GSAP: variants seen among roughly 807,000 people sequenced by gnomAD.
GSAP encodes the protein gamma-secretase activating protein.
In GSAP, 118 loss-of-function variants were observed where a neutral mutation model predicts 131.7. The observed-to-expected ratio is 0.90, with a 90% CI of 0.77 to 1.04. The LOEUF (loss-of-function observed/expected upper bound fraction) is 1.04. GSAP is among the 50% of genes least tolerant of loss of function. The pLI, the probability that GSAP is intolerant of heterozygous loss-of-function variation, is 0.00. For synonymous variants in GSAP, 381 were observed against 363.4 expected (o/e 1.05, Z -0.55); for missense variants, 1,019 against 1,013.2 (o/e 1.01, Z -0.08).
chr7:77,339,424 G>A lies in GSAP; in HGVS notation c.1546-9057C>T, dbSNP rs751738599. On this transcript the variant is annotated intron_variant, in intron 19 of 30. Coordinates refer to ENST00000257626, the MANE Select transcript of GSAP (RefSeq NM_017439.4). Reference sequence around the variant, plus strand: ...AGTACTATCTTCTCCTGAGTCCAGGGCTAGTCCCAGCAATACACCTCTGCC... The same window carrying A: ...AGTACTATCTTCTCCTGAGTCCAGGACTAGTCCCAGCAATACACCTCTGCC... 4.5e-4 allele frequency among the ~76,000 whole-genome samples: 68 copies of A among 152,272 alleles called. 1 individual carries two copies. In the Middle Eastern group the frequency reaches 0.017, roughly 38 times the overall value.
intron 26 of GSAP, among the ~76,000 whole-genome samples, chr7:77,318,348 T>A (rs895876516): frequency 1.3e-5 from 2 of 152,180 alleles, no homozygotes; most frequent in Admixed American, 1.3e-4. Flanking sequence ...AGTTAAAATT[T>A]TATGAAAATT....
At chr7:77,390,178 A>T (rs1365922889) in intron 5 of GSAP, among the ~76,000 whole-genome samples, 2 of 151,974 alleles carry the variant, frequency 1.3e-5, no homozygotes, top group Non-Finnish European at 2.9e-5. Flanking sequence ...TAGATTCTGG[A>T]TATTAGCCCT....
At position 77,339,874 on chromosome 7, in the gene GSAP, T is replaced by C. The variant is rs146695065; in HGVS notation, c.1545+9477A>G. ...TAACTTTTTAAATGAAAATACACAA[T>C]GTTGATAAGGGTATAGTAAAACGGG... On this transcript the variant is annotated intron_variant, in intron 19 of 30. Coordinates refer to ENST00000257626, the MANE Select transcript of GSAP (RefSeq NM_017439.4). Among the ~76,000 whole-genome samples the C allele has an allele frequency of 3.9e-3, 601 of 152,306 alleles. 3 individuals carry two copies. Among genetic ancestry groups the C allele is most frequent in the Middle Eastern group, 0.027 (8 of 294 alleles).
intron 6 of GSAP, among the ~76,000 whole-genome samples, chr7:77,383,510 A>G (rs1458201270): frequency 6.6e-6 from 1 of 152,166 alleles, no homozygotes; most frequent in Non-Finnish European, 1.5e-5. Context: ...ATGAGTTGAG[A>G]ATTTACAAGT....
intron 5 of GSAP, among the ~76,000 whole-genome samples, chr7:77,392,465 T>C (rs1583817514): frequency 6.8e-6 from 1 of 146,884 alleles, no homozygotes; most frequent in Non-Finnish European, 1.5e-5. Flanking sequence ...GGAGTATCGC[T>C]TGAACCCGGA....
At chr7:77,389,608 T>C (rs1372911026) in intron 5 of GSAP, among the ~76,000 whole-genome samples, 2 of 152,182 alleles carry the variant, frequency 1.3e-5, no homozygotes, top group African/African-American at 4.8e-5. Flanking sequence ...ACAAAGGACA[T>C]GAACTCATCA....
chr7:77,397,065 C>A, intron 4 of GSAP, 30 bp from the exon 5 acceptor site: 1 of 1,427,444 alleles, frequency 7.0e-7, no homozygotes, highest in Non-Finnish European at 9.8e-7. Flanking sequence ...AATCCATTAG[C>A]AATTGATCCA....
At chr7:77,407,272 T>C (rs1156330654) in intron 1 of GSAP, among the ~76,000 whole-genome samples, 1 of 152,254 alleles carries the variant, frequency 6.6e-6, no homozygotes, top group Admixed American at 6.5e-5. Context: ...CTACTTTGTC[T>C]GATATTAGTA....
At chr7:77,374,306 C>A (rs1584566834) in intron 11 of GSAP, 151 bp from the exon 12 acceptor site, 1 of 550,920 alleles carries the variant, frequency 1.8e-6, no homozygotes, top group East Asian at 3.2e-5. Flanking sequence ...TTAATAAATT[C>A]TGTAGTTTTT....
chr7:77,328,404 G>A, intron 22 of GSAP: 1 of 1,288,666 alleles, frequency 7.8e-7, no homozygotes, highest in South Asian at 2.7e-5. Context: ...AGCACATTCA[G>A]CAGCTGTCCC....
At chr7:77,382,781 G>A (rs1797992349) in intron 6 of GSAP, 138 bp from the exon 7 acceptor site, 1 of 550,774 alleles carries the variant, frequency 1.8e-6, no homozygotes, top group Non-Finnish European at 3.3e-6. Flanking sequence ...GGAATCACCT[G>A]CACACACACA....
chr7:77,380,046 A>G (rs1797566488), intron 8 of GSAP: 3 of 387,866 alleles, frequency 7.7e-6, no homozygotes, highest in Non-Finnish European at 1.1e-5. Flanking sequence ...ACATATTAAG[A>G]TCCTATACAA....
At chr7:77,335,685 G>A (rs1008444202) in intron 19 of GSAP, among the ~76,000 whole-genome samples, 3 of 151,804 alleles carry the variant, frequency 2.0e-5, no homozygotes, top group African/African-American at 7.2e-5. Context: ...ATTACTGCCA[G>A]AAAAAAAATC....
chr7:77,337,439 T>G lies in GSAP; in HGVS notation c.1546-7072A>C, dbSNP rs535065854. Reference sequence around the variant, plus strand: ...ATCCACCCGCCTCGGCCTCCCAAAGTGCTGGGATTACAGGTGTGAGCCACC... The same window carrying G: ...ATCCACCCGCCTCGGCCTCCCAAAGGGCTGGGATTACAGGTGTGAGCCACC... On this transcript the variant is annotated intron_variant, in intron 19 of 30. Transcript: ENST00000257626. Among the ~76,000 whole-genome samples, 227 of 152,306 alleles carry G rather than the reference T, an allele frequency of 1.5e-3. 1 individual carries two copies. Among genetic ancestry groups the G allele is most frequent in the African/African-American group, 5.1e-3 (214 of 41,556 alleles).
chr7:77,348,675 A>G (rs984500688), intron 19 of GSAP, among the ~76,000 whole-genome samples: 7 of 152,196 alleles, frequency 4.6e-5, no homozygotes, highest in African/African-American at 1.7e-4. Flanking sequence ...ACTGTGCTAA[A>G]ACACTCCCCC....
At chr7:77,388,484 T>A (rs901199657) in intron 5 of GSAP, among the ~76,000 whole-genome samples, 1 of 152,118 alleles carries the variant, frequency 6.6e-6, no homozygotes, top group African/African-American at 2.4e-5. Context: ...AATACAGCAA[T>A]CAGGAGGAAG....
intron 24 of GSAP, among the ~76,000 whole-genome samples, chr7:77,322,808 A>G (rs1480650294): frequency 6.6e-6 from 1 of 152,194 alleles, no homozygotes; most frequent in Non-Finnish European, 1.5e-5. Context: ...TATTACGTAG[A>G]AACAACACTA....
chr7:77,342,067 A>G (rs1791017269), intron 19 of GSAP, among the ~76,000 whole-genome samples: 1 of 152,182 alleles, frequency 6.6e-6, no homozygotes, highest in Non-Finnish European at 1.5e-5. Context: ...TGGAAATCAG[A>G]CTGTCCAACT....
chr7:77,316,564 G>A (rs1562885889), intron 26 of GSAP, among the ~76,000 whole-genome samples: 1 of 152,182 alleles, frequency 6.6e-6, no homozygotes, highest in Non-Finnish European at 1.5e-5. Context: ...AATGGATTTG[G>A]AAATTCTTCA....
Sources: gnomAD v4.1 joint callset for allele counts (sites outside exome capture counted in the v4.1 genomes callset) on GRCh38, gnomAD v4.1.1 for gene constraint, MANE v1.5 for transcripts, NCBI Gene and HGNC (gene_info 2026-07-23, HGNC 2026-07-21) for gene names.